The following SUGCT variants were observed in gnomAD, a reference collection of about 807,000 sequenced individuals.
The protein encoded by SUGCT is succinyl-CoA:glutarate-CoA transferase.
SUGCT carries 41 observed loss-of-function variants against 55.0 expected under a neutral mutation model. The observed-to-expected ratio is 0.74, with a 90% CI of 0.58 to 0.97. SUGCT has a LOEUF of 0.97. SUGCT is among the 50% of genes least tolerant of loss of function. The probability of loss-of-function intolerance (pLI) is 0.00; values close to 1 mark genes in which losing one functional copy is unlikely to be tolerated. For synonymous variants in SUGCT, 187 were observed against 200.4 expected, an observed-to-expected ratio of 0.93 and a Z score of 0.56; for missense variants, 568 against 547.8, an observed-to-expected ratio of 1.04 and a Z score of -0.37.
At position 40,159,814 on chromosome 7, in the gene SUGCT, C is replaced by G. The variant is rs576611092; in HGVS notation, c.101-21133C>G. 2.0e-5 allele frequency among the ~76,000 whole-genome samples: 3 copies of G among 152,264 alleles called. No individual in the cohort carries two copies. In the East Asian group the frequency reaches 5.8e-4, roughly 29 times the overall value. On this transcript the variant is annotated intron_variant, in intron 1 of 13. Coordinates refer to ENST00000335693, the MANE Select transcript of SUGCT (RefSeq NM_001193313.2). ...TCTGTGCCTCAACAATGGTAAACACCTACCTTTCTTCTGGGAGGGAGTCTG... is the reference window on the plus strand; with the variant it reads ...TCTGTGCCTCAACAATGGTAAACACGTACCTTTCTTCTGGGAGGGAGTCTG...
intron 12 of SUGCT, among the ~76,000 whole-genome samples, chr7:40,694,106 A>G (rs1359351388): frequency 1.3e-5 from 2 of 152,200 alleles, no homozygotes; most frequent in Admixed American, 1.3e-4. Context: ...GGATCTCTAG[A>G]TGTTGTAAAA....
At chr7:40,603,284 A>T (rs180766352) in intron 12 of SUGCT, among the ~76,000 whole-genome samples, 220 of 152,364 alleles carry the variant, frequency 1.4e-3, no homozygotes, top group East Asian at 7.9e-3. Context: ...TATGTATGAC[A>T]AATGCATAAT....
At chr7:40,247,972 TAGA>T (rs1790017566) in intron 7 of SUGCT, among the ~76,000 whole-genome samples, 1 of 151,980 alleles carries the variant, frequency 6.6e-6, no homozygotes. Context: ...GATATTCTTC[TAGA>T]AGGTTTATAG....
intron 12 of SUGCT, among the ~76,000 whole-genome samples, chr7:40,694,349 G>A (rs1291508721): frequency 2.6e-5 from 4 of 152,208 alleles, no homozygotes; most frequent in African/African-American, 9.7e-5. Flanking sequence ...ACCCTGAGGA[G>A]AGGAACTTCT....
chr7:40,299,234 G>A (rs976962834), intron 8 of SUGCT, among the ~76,000 whole-genome samples: 16 of 152,086 alleles, frequency 1.1e-4, no homozygotes, highest in African/African-American at 3.6e-4. Flanking sequence ...TGAGTCAGAC[G>A]AAAAACAATA....
At chr7:40,144,023 A>C (rs1788120070) in intron 1 of SUGCT, among the ~76,000 whole-genome samples, 1 of 152,232 alleles carries the variant, frequency 6.6e-6, no homozygotes, top group South Asian at 2.1e-4. Flanking sequence ...GGGGCAGTCC[A>C]TCCTTGCTCT....
chr7:40,181,200 T>C (rs1275056391), intron 2 of SUGCT, among the ~76,000 whole-genome samples: 1 of 152,150 alleles, frequency 6.6e-6, no homozygotes, highest in African/African-American at 2.4e-5. Context: ...TGTATATTTA[T>C]ATATAATCTT....
At chr7:40,286,383 C>A (rs1237998747) in intron 8 of SUGCT, among the ~76,000 whole-genome samples, 1 of 152,114 alleles carries the variant, frequency 6.6e-6, no homozygotes, top group African/African-American at 2.4e-5. Flanking sequence ...TTAGGAGAAC[C>A]CCTTTTTTTA....
the SUGCT span, among the ~76,000 whole-genome samples, chr7:40,896,533 C>T: frequency 6.6e-6 from 1 of 152,136 alleles, no homozygotes; most frequent in African/African-American, 2.4e-5. Context: ...CTGCTGTTCT[C>T]ATGATAGTGA....
intron 8 of SUGCT, among the ~76,000 whole-genome samples, chr7:40,279,540 A>G (rs911426318): frequency 6.6e-5 from 10 of 152,346 alleles, no homozygotes; most frequent in African/African-American, 2.4e-4. Context: ...TGTGAAAAAT[A>G]CTTTGTAAAT....
intron 8 of SUGCT, among the ~76,000 whole-genome samples, chr7:40,291,605 T>C (rs1482887653): frequency 2.0e-5 from 3 of 151,442 alleles, no homozygotes; most frequent in African/African-American, 7.3e-5. Context: ...TGTATACATA[T>C]GTAACAAACC....
chr7:40,703,512 C>T (rs1420565607), intron 12 of SUGCT, among the ~76,000 whole-genome samples: 1 of 152,154 alleles, frequency 6.6e-6, no homozygotes, highest in African/African-American at 2.4e-5. Context: ...ATTGGAGGTA[C>T]TATCTTTTAG....
At chr7:40,873,145 G>A in the SUGCT span, among the ~76,000 whole-genome samples, 1 of 152,164 alleles carries the variant, frequency 6.6e-6, no homozygotes. Context: ...ATAAATACAT[G>A]TGCAAAATAT....
chr7:40,394,727 T>C (rs1785626114), intron 9 of SUGCT, among the ~76,000 whole-genome samples: 1 of 152,222 alleles, frequency 6.6e-6, no homozygotes, highest in African/African-American at 2.4e-5. Context: ...TTCTATCCTG[T>C]GCTTCTATGA....
intron 9 of SUGCT, among the ~76,000 whole-genome samples, chr7:40,395,185 C>T (rs1401338278): frequency 6.6e-6 from 1 of 152,056 alleles, no homozygotes; most frequent in Non-Finnish European, 1.5e-5. Flanking sequence ...GACCTGGGAG[C>T]TAATTAGAAA....
In SUGCT at chr7:40,276,519, G is replaced by T. The variant is rs564062683; in HGVS notation, c.720+1863G>T. On this transcript the variant is annotated intron_variant, in intron 8 of 13. Coordinates refer to ENST00000335693, the MANE Select transcript of SUGCT (RefSeq NM_001193313.2). ...ACCAGTACTCACAAATTATGTAGCA[G>T]GTCGTGGAGTTGAGACTCTACTTAA... Among the ~76,000 whole-genome samples the T allele has an allele frequency of 2.6e-5, 4 of 152,274 alleles. No individual in the cohort carries two copies. In the East Asian group the frequency reaches 7.7e-4, roughly 29 times the overall value.
intron 13 of SUGCT, among the ~76,000 whole-genome samples, chr7:40,809,360 G>C (rs891603144): frequency 3.3e-5 from 5 of 151,934 alleles, no homozygotes; most frequent in African/African-American, 1.2e-4. Flanking sequence ...TTTTCTATTA[G>C]TGTGGGCAAA....
chr7:40,582,288 T>C (rs568631936), intron 12 of SUGCT, among the ~76,000 whole-genome samples: 2 of 152,262 alleles, frequency 1.3e-5, no homozygotes, highest in East Asian at 3.9e-4. Context: ...GCATATTTTG[T>C]TGGTATAATC....
chr7:40,646,657 T>A (rs1444412071), intron 12 of SUGCT, among the ~76,000 whole-genome samples: 1 of 152,220 alleles, frequency 6.6e-6, no homozygotes, highest in Non-Finnish European at 1.5e-5. Context: ...CAGGTTACTT[T>A]CATCCTTGAA....
Sources: allele counts gnomAD v4.1 joint callset (sites outside exome capture counted in the v4.1 genomes callset), GRCh38; gene constraint gnomAD v4.1.1; transcripts MANE v1.5; gene names NCBI Gene and HGNC (gene_info 2026-07-23, HGNC 2026-07-21).